KIAA1217: variants seen among roughly 807,000 people sequenced by gnomAD.
KIAA1217 encodes the protein KIAA1217, also known as sickle tail protein homolog.
In KIAA1217, 88 loss-of-function variants were observed where a neutral mutation model predicts 163.9. The ratio of observed to expected loss-of-function variants is 0.54; its 90% CI spans 0.45 to 0.64. The LOEUF (loss-of-function observed/expected upper bound fraction) is 0.64. Ranked by LOEUF, KIAA1217 falls within the 30% of genes least tolerant of loss-of-function variation. The pLI is 0.00. For synonymous variants in KIAA1217, 903 were observed against 923.1 expected (o/e 0.98, Z 0.39); for missense variants, 2,372 against 2,475.0 (o/e 0.96, Z 0.88).
chr10:24,284,294 G>T (rs1168008671), intron 2 of KIAA1217, among the ~76,000 whole-genome samples: 2 of 152,062 alleles, frequency 1.3e-5, no homozygotes, highest in African/African-American at 4.8e-5. Context: ...ACTGTATGAT[G>T]CTGAGGTTTG....
chr10:23,940,267 C>T (rs1030958043), intron 1 of KIAA1217, among the ~76,000 whole-genome samples: 13 of 151,580 alleles, frequency 8.6e-5, no homozygotes, highest in Admixed American at 3.3e-4. Flanking sequence ...CGAGACCAGT[C>T]GGGCCAAAAT....
chr10:24,295,129 ATGAC>A (rs2040436270), intron 2 of KIAA1217, among the ~76,000 whole-genome samples: 1 of 152,232 alleles, frequency 6.6e-6, no homozygotes, highest in African/African-American at 2.4e-5. Flanking sequence ...AGAATGAAAA[ATGAC>A]TGAGTATTTT....
intron 1 of KIAA1217, among the ~76,000 whole-genome samples, chr10:23,786,538 C>CAAA (rs4019609): frequency 0.15 from 19,542 of 126,488 alleles, 1,497 homozygotes; most frequent in East Asian, 0.19. Flanking sequence ...CAGAAGTAGC[C>CAAA]AAAAAAAAAA....
intron 1 of KIAA1217, among the ~76,000 whole-genome samples, chr10:24,005,002 C>T (rs146815892): frequency 1.5e-3 from 228 of 152,310 alleles, no homozygotes; most frequent in African/African-American, 5.2e-3. Flanking sequence ...CAGCTTAGAA[C>T]TTTCTGTCCC....
chr10:23,799,307 C>A (rs1344395942), intron 1 of KIAA1217, among the ~76,000 whole-genome samples: 1 of 152,146 alleles, frequency 6.6e-6, no homozygotes, highest in Non-Finnish European at 1.5e-5. Flanking sequence ...CTATTCGACT[C>A]CTAACAGACT....
intron 2 of KIAA1217, among the ~76,000 whole-genome samples, chr10:24,115,655 T>A (rs562997347): frequency 5.3e-5 from 8 of 152,300 alleles, no homozygotes; most frequent in Non-Finnish European, 1.2e-4. Flanking sequence ...TCCCAGTAGC[T>A]CTAAGAGCAG....
At chr10:23,806,299 C>G (rs1032830344) in intron 1 of KIAA1217, among the ~76,000 whole-genome samples, 4 of 151,898 alleles carry the variant, frequency 2.6e-5, no homozygotes, top group Admixed American at 6.6e-5. Context: ...ATATTTAAGA[C>G]CAAATTAAAA....
chr10:23,905,114 G>A (rs569053441), intron 1 of KIAA1217, among the ~76,000 whole-genome samples: 3 of 133,610 alleles, frequency 2.2e-5, no homozygotes, highest in Non-Finnish European at 4.6e-5. Flanking sequence ...CCATATGGCC[G>A]TGTGTGTAGT....
intron 1 of KIAA1217, among the ~76,000 whole-genome samples, chr10:23,786,069 C>A (rs1358581322): frequency 6.6e-6 from 1 of 152,098 alleles, no homozygotes; most frequent in Non-Finnish European, 1.5e-5. Context: ...CATAAAATTA[C>A]AAGGCAAGTA....
intron 2 of KIAA1217, among the ~76,000 whole-genome samples, chr10:24,244,561 C>CTTTTT (rs11318420): frequency 2.0e-4 from 17 of 85,270 alleles, no homozygotes; most frequent in Non-Finnish European, 2.4e-4. Context: ...TTCTTTCTTT[C>CTTTTT]TTTTTTTTTT....
chr10:24,400,307 G>C (rs908066675), intron 3 of KIAA1217, among the ~76,000 whole-genome samples: 1 of 152,210 alleles, frequency 6.6e-6, no homozygotes, highest in African/African-American at 2.4e-5. Flanking sequence ...GGATAGGCTA[G>C]TTAATGCTGC....
At chr10:23,803,404 C>T (rs776194550) in intron 1 of KIAA1217, among the ~76,000 whole-genome samples, 4 of 152,200 alleles carry the variant, frequency 2.6e-5, no homozygotes, top group African/African-American at 4.8e-5. Context: ...GTCCTATGAC[C>T]GCTCAAGGCA....
intron 17 of KIAA1217, among the ~76,000 whole-genome samples, chr10:24,540,390 C>G (rs568761215): frequency 1.3e-5 from 2 of 152,052 alleles, no homozygotes; most frequent in African/African-American, 4.8e-5. Context: ...TGTGCCACCA[C>G]GCCTGGCTAA....
intron 2 of KIAA1217, among the ~76,000 whole-genome samples, chr10:24,087,985 G>T (rs1012400093): frequency 2.2e-5 from 2 of 90,890 alleles, no homozygotes; most frequent in Non-Finnish European, 3.3e-5. Flanking sequence ...AACCAAGTTA[G>T]TGGACCATCC....
chr10:24,315,544 C>T (rs991268422), intron 2 of KIAA1217, among the ~76,000 whole-genome samples: 2 of 152,108 alleles, frequency 1.3e-5, no homozygotes, highest in Non-Finnish European at 2.9e-5. Context: ...GCCCATCAAC[C>T]GGACCTCCCG....
At chr10:23,950,680 G>C (rs2131354046) in intron 1 of KIAA1217, among the ~76,000 whole-genome samples, 1 of 152,260 alleles carries the variant, frequency 6.6e-6, no homozygotes, top group East Asian at 1.9e-4. Context: ...GGAGGGGACT[G>C]ACCCTGGGCT....
At chr10:23,987,418 T>A (rs950648220) in intron 1 of KIAA1217, among the ~76,000 whole-genome samples, 7 of 142,922 alleles carry the variant, frequency 4.9e-5, no homozygotes, top group Admixed American at 2.1e-4. Context: ...TTTGTTTTTT[T>A]AAAAAAAAAC....
chr10:23,901,092 T>C (rs77400364), intron 1 of KIAA1217, among the ~76,000 whole-genome samples: 4 of 152,128 alleles, frequency 2.6e-5, no homozygotes, highest in Non-Finnish European at 5.9e-5. Flanking sequence ...CTAACACTTC[T>C]GAATGCTTAC....
intron 2 of KIAA1217, among the ~76,000 whole-genome samples, chr10:24,185,748 T>C (rs575362787): frequency 2.0e-5 from 3 of 151,954 alleles, no homozygotes; most frequent in Non-Finnish European, 4.4e-5. Context: ...TGAGCTGAGA[T>C]GGCGCCACTG....
Sources: allele counts gnomAD v4.1 joint callset (sites outside exome capture counted in the v4.1 genomes callset), GRCh38; gene constraint gnomAD v4.1.1; transcripts MANE v1.5; gene names NCBI Gene and HGNC (gene_info 2026-07-23, HGNC 2026-07-21).